WIPF3: variants seen among roughly 807,000 people sequenced by gnomAD.
WIPF3 encodes WAS/WASL-interacting protein family member 3.
Under a neutral mutation model 38.9 loss-of-function variants are expected in WIPF3, and 33 were observed. The ratio of observed to expected loss-of-function variants is 0.85; its 90% CI spans 0.64 to 1.14. The LOEUF (loss-of-function observed/expected upper bound fraction) is 1.14, where lower values mean the gene tolerates loss of function less well. Among genes scored for constraint, WIPF3 ranks in the 50% most tolerant of loss-of-function variants. The pLI is 0.00. For missense variants in WIPF3, 711 were observed against 652.5 expected, an observed-to-expected ratio of 1.09 and a Z score of -0.98; for synonymous variants, 324 against 269.3, an observed-to-expected ratio of 1.20 and a Z score of -1.99.
At chr7:29,845,714 A>G (rs889148970) in intron 2 of WIPF3, among the ~76,000 whole-genome samples, 1 of 152,222 alleles carries the variant, frequency 6.6e-6, no homozygotes, top group Admixed American at 6.5e-5. Context: ...CCAGAGTCGG[A>G]TGAGGGATGA....
At chr7:29,869,881 G>T (rs1391722812) in intron 2 of WIPF3, among the ~76,000 whole-genome samples, 1 of 152,158 alleles carries the variant, frequency 6.6e-6, no homozygotes, top group South Asian at 2.1e-4. Context: ...GGAAAAAGCT[G>T]GCATTTATAC....
At chr7:29,883,818 C>T (rs777080321) in intron 4 of WIPF3, 32 bp from the exon 5 acceptor site, 1 of 1,510,980 alleles carries the variant, frequency 6.6e-7, no homozygotes, top group Non-Finnish European at 8.9e-7. Flanking sequence ...TTCTTTATTG[C>T]CGAGCTAACC....
In WIPF3 at chr7:29,878,997, T is replaced by A; in HGVS notation, c.224-12T>A. On this transcript the variant is annotated splice_polypyrimidine_tract_variant and intron_variant, in intron 3 of 8. Coordinates refer to ENST00000242140, the MANE Select transcript of WIPF3 (RefSeq NM_001080529.3). The surrounding 1 kb of genome is among the most constrained non-coding windows in gnomAD (Gnocchi z 4.0). ...TCTCAAGTCCTTGCCTATTTGTGTC[T>A]TCTCTCTAAAGGTTCTAAAGGAACC... The A allele has an allele frequency of 1.9e-6, 3 of 1,585,314 alleles. No individual in the cohort carries two copies. Among genetic ancestry groups the A allele is most frequent in the Non-Finnish European group, 2.6e-6 (3 of 1,161,864 alleles).
chr7:29,850,445 A>G (rs17158430), intron 2 of WIPF3, among the ~76,000 whole-genome samples: 7,010 of 152,258 alleles, frequency 0.046, 202 homozygotes, highest in South Asian at 0.091. Context: ...AATTAGGAAT[A>G]TGAAGGAGAA....
At chr7:29,832,307 T>C (rs1019018473) in intron 1 of WIPF3, among the ~76,000 whole-genome samples, 1 of 152,236 alleles carries the variant, frequency 6.6e-6, no homozygotes, top group African/African-American at 2.4e-5. Flanking sequence ...AATTTGTGCT[T>C]GTTCCAACTA....
intron 6 of WIPF3, among the ~76,000 whole-genome samples, chr7:29,888,500 C>CGTGTGCGTGT (rs1554347976): frequency 5.3e-4 from 74 of 138,782 alleles, no homozygotes; most frequent in Admixed American, 1.6e-3. Context: ...TGTGCGTGTG[C>CGTGTGCGTGT]GTGTGTGTGC....
Position 29,878,542 on chromosome 7 carries a change from C to T in WIPF3, c.224-467C>T, listed in dbSNP as rs1012005258. Among the ~76,000 whole-genome samples, 3 of 152,176 alleles carry T rather than the reference C, an allele frequency of 2.0e-5. No homozygotes were observed. Among genetic ancestry groups the T allele is most frequent in the African/African-American group, 7.2e-5 (3 of 41,442 alleles). ...GCACAGTCATGGCAGGCTTTACCTCCTGCCTGCTGTTCTGGTCAGCGCTCT... is the reference window on the plus strand; with the variant it reads ...GCACAGTCATGGCAGGCTTTACCTCTTGCCTGCTGTTCTGGTCAGCGCTCT... On this transcript the variant is annotated intron_variant, in intron 3 of 8. Coordinates refer to ENST00000242140, the MANE Select transcript of WIPF3 (RefSeq NM_001080529.3). This position sits in a 1 kb window ranked among gnomAD's most constrained non-coding sequence, Gnocchi z 4.0.
At chr7:29,898,309 C>T (rs1432917252) in intron 7 of WIPF3, among the ~76,000 whole-genome samples, 4 of 152,212 alleles carry the variant, frequency 2.6e-5, no homozygotes, top group Non-Finnish European at 5.9e-5. Context: ...CTGCATCCAA[C>T]TTACCAGTGA....
At chr7:29,860,997 A>G (rs2128070583) in intron 2 of WIPF3, among the ~76,000 whole-genome samples, 1 of 152,178 alleles carries the variant, frequency 6.6e-6, no homozygotes, top group South Asian at 2.1e-4. Flanking sequence ...CTAGTGGGAT[A>G]TTTACATGGA....
intron 6 of WIPF3, among the ~76,000 whole-genome samples, 184 bp downstream of exon 6, chr7:29,888,401 T>C (rs1043544625): frequency 6.6e-6 from 1 of 152,184 alleles, no homozygotes; most frequent in African/African-American, 2.4e-5. Context: ...CTTTCAAGGC[T>C]TTCTGCATAG....
chr7:29,846,200 C>T (rs1784997490), intron 2 of WIPF3, among the ~76,000 whole-genome samples: 1 of 152,172 alleles, frequency 6.6e-6, no homozygotes, highest in Non-Finnish European at 1.5e-5. Context: ...CTCATTCCAA[C>T]TCATTATTTT....
chr7:29,889,462 G>A, intron 7 of WIPF3, 55 bp downstream of exon 7: 7 of 1,343,384 alleles, frequency 5.2e-6, no homozygotes, highest in Non-Finnish European at 5.3e-6. Flanking sequence ...AAAATTAGGT[G>A]CCCACTGTGC....
chr7:29,891,758 G>A (rs561195969), intron 7 of WIPF3, among the ~76,000 whole-genome samples: 1 of 152,178 alleles, frequency 6.6e-6, no homozygotes, highest in Non-Finnish European at 1.5e-5. Flanking sequence ...AGATAGATGA[G>A]AATTAGACCC....
At chr7:29,832,056 C>G (rs1411995677) in intron 1 of WIPF3, among the ~76,000 whole-genome samples, 1 of 152,200 alleles carries the variant, frequency 6.6e-6, no homozygotes, top group Non-Finnish European at 1.5e-5. Context: ...TATTCTTCCC[C>G]ACCTTTTCCA....
intron 2 of WIPF3, among the ~76,000 whole-genome samples, chr7:29,859,120 C>T (rs769415556): frequency 5.3e-5 from 8 of 152,104 alleles, no homozygotes; most frequent in Non-Finnish European, 8.8e-5. Flanking sequence ...TCTTCATGAA[C>T]TATGGAGGTA....
chr7:29,894,470 G>A (rs982185843), intron 7 of WIPF3, among the ~76,000 whole-genome samples: 3 of 152,148 alleles, frequency 2.0e-5, no homozygotes, highest in African/African-American at 7.2e-5. Flanking sequence ...CGGTGGACAC[G>A]AAGTACTCCA....
In WIPF3 at chr7:29,879,117, C is replaced by T. The variant is rs781209832; in HGVS notation, c.332C>T (p.Pro111Leu). The change falls in exon 4 of 9, where the codon CCA becomes CTA. Residue 111 changes from proline (P) to leucine (L), a missense_variant. Coordinates refer to ENST00000242140, the MANE Select transcript of WIPF3 (RefSeq NM_001080529.3). ...LFAGGFPVLR[P>L]AGQRDVAGGK... ...GCTGGTGGCTTTCCTGTATTGCGACCAGCAGGCCAGCGGGATGTAGCAGGT... is the reference window on the plus strand; with the variant it reads ...GCTGGTGGCTTTCCTGTATTGCGACTAGCAGGCCAGCGGGATGTAGCAGGT... 1 of 1,612,348 alleles carries T rather than the reference C, an allele frequency of 6.2e-7. No individual in the cohort carries two copies. Among genetic ancestry groups the T allele is most frequent in the Middle Eastern group, 1.8e-4 (1 of 5,678 alleles).
chr7:29,839,394 C>T (rs1192798545), intron 2 of WIPF3, among the ~76,000 whole-genome samples: 2 of 152,172 alleles, frequency 1.3e-5, no homozygotes, highest in Non-Finnish European at 2.9e-5. Flanking sequence ...TTCTCAGGGT[C>T]AGAAGTATCA....
At position 29,875,919 on chromosome 7, in the gene WIPF3, C is replaced by T; in HGVS notation, c.180C>T (p.Arg60=). The change falls in exon 3 of 9, where the codon CGC becomes CGT. Residue 60 remains arginine, a synonymous_variant. Transcript: ENST00000242140. ...LADIQQGTRL[R]KVTQINDRSA... ...ATATCCAGCAAGGAACTCGCCTGCG[C>T]AAAGTCACGCAGATCAACGACCGCA... 2 of 1,614,030 alleles carry T rather than the reference C, an allele frequency of 1.2e-6. No individual in the cohort carries two copies. Among genetic ancestry groups the T allele is most frequent in the South Asian group, 2.2e-5 (2 of 91,080 alleles).
Sources: allele counts gnomAD v4.1 joint callset (sites outside exome capture counted in the v4.1 genomes callset), GRCh38; gene constraint gnomAD v4.1.1; non-coding constraint Gnocchi (gnomAD v3.1); transcripts MANE v1.5; gene names NCBI Gene and HGNC (gene_info 2026-07-23, HGNC 2026-07-21).